Variants in TMEM11 observed in about 807,000 individuals in gnomAD.
TMEM11 encodes the protein transmembrane protein 11, mitochondrial.
Under a neutral mutation model 17.0 loss-of-function variants are expected in TMEM11, and 1 was observed. That is an observed-to-expected ratio of 0.06 (90% CI 0.02 to 0.28). TMEM11 has a LOEUF of 0.28. Among genes scored for constraint, TMEM11 ranks in the 10% least tolerant of loss-of-function variants. The pLI, the probability that TMEM11 is intolerant of heterozygous loss-of-function variation, is 1.00. For synonymous variants in TMEM11, 122 were observed against 118.1 expected (o/e 1.03, Z -0.21); for missense variants, 172 against 252.9 (o/e 0.68, Z 2.17).
intron 1 of TMEM11, among the ~76,000 whole-genome samples, chr17:21,210,292 C>A (rs1810044467): frequency 6.6e-6 from 1 of 152,184 alleles, no homozygotes; most frequent in African/African-American, 2.4e-5. Flanking sequence ...AGGATGAACC[C>A]CATCCTTACC....
chr17:21,212,190 T>C (rs1975009763), intron 1 of TMEM11, among the ~76,000 whole-genome samples: 3 of 152,012 alleles, frequency 2.0e-5, no homozygotes, highest in African/African-American at 7.3e-5. Flanking sequence ...TACCACGTTA[T>C]CTAGGAGAGT....
chr17:21,209,794 C>G (rs977031626), intron 1 of TMEM11, among the ~76,000 whole-genome samples: 9 of 152,120 alleles, frequency 5.9e-5, no homozygotes, highest in Non-Finnish European at 1.0e-4. Context: ...AATGAAACCT[C>G]AGTTCCTCAG....
rs7211500 is a variant in TMEM11 at position 21,210,119 on chromosome 17, C to A, written c.62+3972G>T. On this transcript the variant is annotated intron_variant, in intron 1 of 1. Coordinates refer to ENST00000317635, the MANE Select transcript of TMEM11 (RefSeq NM_003876.3). ...AGCCACCTCCCCACCTCCGTGGACC[C>A]AGGCGCAGCCCTCCCCTCTTCAGAA... 9.0e-3 allele frequency among the ~76,000 whole-genome samples: 1,374 copies of A among 152,306 alleles called. 32 individuals carry two copies. The highest frequency in any genetic ancestry group is 0.031 in the African/African-American group (1,296 of 41,554).
intron 1 of TMEM11, chr17:21,213,555 C>G (rs1463628563): frequency 6.5e-6 from 1 of 153,864 alleles, no homozygotes; most frequent in Non-Finnish European, 1.4e-5. Flanking sequence ...GTGGCCGGCT[C>G]TGGGCTCGGA....
intron 1 of TMEM11, chr17:21,211,306 GA>G: frequency 9.4e-7 from 1 of 1,064,262 alleles, no homozygotes; most frequent in South Asian, 1.4e-5. Flanking sequence ...TATCTTAGTC[GA>G]AACCAGCACT....
Position 21,198,133 on chromosome 17 carries a change from T to G in TMEM11, c.*191A>C. 1.4e-6 allele frequency: 1 copy of G among 707,762 alleles called. No homozygotes were observed. The highest frequency in any genetic ancestry group is 3.1e-5 in the Admixed American group (1 of 32,120). 43.8% of individuals were successfully genotyped at this position (707,762 alleles called of 1,614,324 possible). A position where few individuals can be genotyped will look rare whatever the true frequency, so the allele number is the denominator to read the frequency against. ...AGCCTCAGACCCCCCTCTTGGGTTA[T>G]GGAAATCCACATCTTAGTGTAATGA... is the stretch of plus-strand genomic sequence containing the variant. On this transcript the variant is annotated 3_prime_UTR_variant, in exon 2 of 2. Transcript: ENST00000317635. The surrounding 1 kb of genome is among the most constrained non-coding windows in gnomAD (Gnocchi z 6.5).
chr17:21,205,084 C>G (rs1009273713), intron 1 of TMEM11, among the ~76,000 whole-genome samples: 4 of 152,096 alleles, frequency 2.6e-5, no homozygotes, highest in Non-Finnish European at 4.4e-5. Context: ...AAAGGAATCC[C>G]CTGGCAACAC....
intron 1 of TMEM11, among the ~76,000 whole-genome samples, chr17:21,201,641 A>G (rs1974884287): frequency 6.6e-6 from 1 of 151,892 alleles, no homozygotes; most frequent in African/African-American, 2.4e-5. Context: ...TTTATTTTTG[A>G]GACAGGTTCC....
chr17:21,212,264 G>A (rs1975010919), intron 1 of TMEM11, among the ~76,000 whole-genome samples: 1 of 152,194 alleles, frequency 6.6e-6, no homozygotes, highest in Non-Finnish European at 1.5e-5. Context: ...ACATCTGCGT[G>A]TGTGAGTAGA....
At chr17:21,203,805 T>C (rs953101044) in intron 1 of TMEM11, among the ~76,000 whole-genome samples, 2 of 151,848 alleles carry the variant, frequency 1.3e-5, no homozygotes, top group African/African-American at 4.8e-5. Context: ...TTGCTTCTGC[T>C]TGTGGGTCAA....
intron 1 of TMEM11, among the ~76,000 whole-genome samples, chr17:21,209,168 C>A (rs1974975903): frequency 6.6e-6 from 1 of 152,260 alleles, no homozygotes; most frequent in Non-Finnish European, 1.5e-5. Context: ...TCAGAGGACA[C>A]TTTCCTATTC....
chr17:21,201,253 C>G (rs1974880319), intron 1 of TMEM11, among the ~76,000 whole-genome samples: 1 of 152,232 alleles, frequency 6.6e-6, no homozygotes, highest in African/African-American at 2.4e-5. Flanking sequence ...TCATAAAAGG[C>G]ACTGGCTTGG....
chr17:21,200,690 T>C (rs988241782), intron 1 of TMEM11, among the ~76,000 whole-genome samples: 4 of 152,210 alleles, frequency 2.6e-5, no homozygotes, highest in African/African-American at 9.6e-5. Flanking sequence ...ATGTGGCCCA[T>C]GTACCTGAAG....
chr17:21,201,805 A>T (rs1974885775), intron 1 of TMEM11, among the ~76,000 whole-genome samples: 1 of 152,128 alleles, frequency 6.6e-6, no homozygotes, highest in Non-Finnish European at 1.5e-5. Flanking sequence ...AATTAAAAAA[A>T]TTTTGTTGTA....
intron 1 of TMEM11, among the ~76,000 whole-genome samples, chr17:21,209,229 G>A (rs968023675): frequency 1.2e-4 from 18 of 152,212 alleles, no homozygotes; most frequent in African/African-American, 3.4e-4. Context: ...GGAACACGGC[G>A]CACCAAGTGT....
intron 1 of TMEM11, among the ~76,000 whole-genome samples, chr17:21,211,631 G>A (rs776110719): frequency 2.0e-5 from 3 of 152,226 alleles, no homozygotes; most frequent in Non-Finnish European, 2.9e-5. Context: ...CAGTAATACT[G>A]CAGGCAGTCT....
In TMEM11 at chr17:21,198,066, G is replaced by A. The variant is rs928705297; in HGVS notation, c.*258C>T. The A allele has an allele frequency of 3.6e-5, 17 of 466,856 alleles. No homozygotes were observed. Among genetic ancestry groups the A allele is most frequent in the Non-Finnish European group, 4.2e-5 (11 of 264,222 alleles). 28.9% of individuals were successfully genotyped at this position (466,856 alleles called of 1,614,324 possible). On this transcript the variant is annotated 3_prime_UTR_variant, in exon 2 of 2. Coordinates refer to ENST00000317635, the MANE Select transcript of TMEM11 (RefSeq NM_003876.3). The surrounding 1 kb of genome is among the most constrained non-coding windows in gnomAD (Gnocchi z 6.5). The stretch of plus-strand genomic sequence containing the variant: ...AGCACGTCCACACCCCCTCGGCAGC[G>A]TCTGCCTCCATCAGCATTCCACTGC...
At chr17:21,201,960 A>G (rs1974887094) in intron 1 of TMEM11, among the ~76,000 whole-genome samples, 1 of 152,228 alleles carries the variant, frequency 6.6e-6, no homozygotes. Context: ...AGCTACCTAC[A>G]GCAAACAAGC....
chr17:21,205,996 T>C (rs1004872681), intron 1 of TMEM11, among the ~76,000 whole-genome samples: 1 of 152,028 alleles, frequency 6.6e-6, no homozygotes, highest in Admixed American at 6.6e-5. Flanking sequence ...TTGTGAATAA[T>C]GCTGCTATGA....
Sources: gnomAD v4.1 joint callset for allele counts (sites outside exome capture counted in the v4.1 genomes callset) on GRCh38, gnomAD v4.1.1 for gene constraint, Gnocchi (gnomAD v3.1) non-coding constraint, MANE v1.5 for transcripts, NCBI Gene and HGNC (gene_info 2026-07-23, HGNC 2026-07-21) for gene names.